The following IKZF2 variants were observed in gnomAD, a reference collection of about 807,000 sequenced individuals.
IKZF2 encodes the protein zinc finger protein Helios.
IKZF2 carries 15 observed loss-of-function variants against 49.2 expected under a neutral mutation model. The ratio of observed to expected loss-of-function variants is 0.30; its 90% CI spans 0.20 to 0.47. The LOEUF (loss-of-function observed/expected upper bound fraction) is 0.47. Ranked by LOEUF, IKZF2 falls within the 20% of genes least tolerant of loss-of-function variation. IKZF2 has a pLI of 1.00. For synonymous variants in IKZF2, 227 were observed against 221.4 expected (o/e 1.03, Z -0.23); for missense variants, 567 against 664.6 (o/e 0.85, Z 1.61).
intron 4 of IKZF2, among the ~76,000 whole-genome samples, chr2:213,113,840 A>G (rs2059790249): frequency 6.6e-6 from 1 of 152,164 alleles, no homozygotes; most frequent in African/African-American, 2.4e-5. Context: ...GCATCTATTG[A>G]GCAAGGAGGG....
At chr2:213,114,519 A>C (rs2059808490) in intron 4 of IKZF2, among the ~76,000 whole-genome samples, 1 of 152,222 alleles carries the variant, frequency 6.6e-6, no homozygotes, top group Admixed American at 6.5e-5. Context: ...AAAGTGTATG[A>C]AAATGAATGT....
At chr2:213,131,625 G>T (rs2060475966) in intron 4 of IKZF2, among the ~76,000 whole-genome samples, 1 of 152,186 alleles carries the variant, frequency 6.6e-6, no homozygotes, top group African/African-American at 2.4e-5. Context: ...AGCTTTTGAA[G>T]TCATGTACTT....
chr2:213,081,433 C>T lies in IKZF2; in HGVS notation c.140-24334G>A, dbSNP rs1458742109. Among the ~76,000 whole-genome samples the T allele has an allele frequency of 3.3e-5, 5 of 152,128 alleles. No homozygotes were observed. The East Asian group carries it at 9.7e-4, about 29-fold the overall frequency. On this transcript the variant is annotated intron_variant, in intron 4 of 8. Coordinates refer to ENST00000434687, the MANE Select transcript of IKZF2 (RefSeq NM_001387220.1). ...TAAACATTTATTGAACTACAATGAG[C>T]TCAAAGTCCAATATAGACAGAAAGT...
chr2:213,028,699 T>G (rs1238561119), intron 6 of IKZF2, among the ~76,000 whole-genome samples: 1 of 152,138 alleles, frequency 6.6e-6, no homozygotes, highest in Non-Finnish European at 1.5e-5. Context: ...TACATTTGAT[T>G]TAATCTCAGT....
At chr2:213,151,766 A>T (rs1285780290), upstream of IKZF2, among the ~76,000 whole-genome samples, 1 of 145,518 alleles carries the variant, frequency 6.9e-6, no homozygotes, top group Non-Finnish European at 1.5e-5. Flanking sequence ...CGGGCAGCGG[A>T]GCCCCGGGCG....
At chr2:213,122,582 G>A (rs111337322) in intron 4 of IKZF2, among the ~76,000 whole-genome samples, 2,237 of 152,250 alleles carry the variant, frequency 0.015, 52 homozygotes, top group African/African-American at 0.051. Flanking sequence ...ATTTCATAAT[G>A]TCTCTTGCCA....
At chr2:213,078,245 G>C in intron 4 of IKZF2, among the ~76,000 whole-genome samples, 1 of 152,154 alleles carries the variant, frequency 6.6e-6, no homozygotes, top group East Asian at 1.9e-4. Flanking sequence ...TTTATCTTCT[G>C]TTGAAAATGT....
intron 6 of IKZF2, among the ~76,000 whole-genome samples, chr2:213,025,603 T>C (rs549767570): frequency 6.6e-6 from 1 of 152,280 alleles, no homozygotes; most frequent in East Asian, 1.9e-4. Flanking sequence ...TATCGAGTTA[T>C]TAAACACAGG....
At chr2:213,013,650 A>G (rs1696229871) in intron 8 of IKZF2, 141 bp downstream of exon 8, 7 of 702,548 alleles carry the variant, frequency 1.0e-5, no homozygotes, top group Non-Finnish European at 4.6e-6. Flanking sequence ...AATGTCAGAG[A>G]GTAAAAAAGA....
chr2:213,078,652 A>G (rs1031926093), intron 4 of IKZF2, among the ~76,000 whole-genome samples: 5 of 152,322 alleles, frequency 3.3e-5, no homozygotes, highest in African/African-American at 1.2e-4. Context: ...GTGTTTCTTC[A>G]TCCCTTTGAA....
Position 213,005,191 on chromosome 2 carries a change from T to TGGCGGG in IKZF2, c.*2168_*2169insCCCGCC, listed in dbSNP as rs774979216. 2 of 76,806 alleles carry TGGCGGG rather than the reference T, an allele frequency of 2.6e-5. No homozygotes were observed. Among genetic ancestry groups the TGGCGGG allele is most frequent in the East Asian group, 9.9e-4 (2 of 2,026 alleles). The allele number at this position is 76,806 out of a possible 1,614,324, so 4.8% of individuals were successfully genotyped here. A position where few individuals can be genotyped will look rare whatever the true frequency, so the allele number is the denominator to read the frequency against. On this transcript the variant is annotated 3_prime_UTR_variant, in exon 9 of 9. Transcript: ENST00000434687. Reference sequence around the variant, plus strand: ...CAATTATTATTTGGGAGTGGTTGGGTGGGGGGGGGTGAGCGAGTCTCAAAA... The same window carrying TGGCGGG: ...CAATTATTATTTGGGAGTGGTTGGGTGGCGGGGGGGGGGGGTGAGCGAGTCTCAAAA...
intron 4 of IKZF2, among the ~76,000 whole-genome samples, chr2:213,094,629 T>A (rs944885434): frequency 3.9e-5 from 6 of 152,042 alleles, no homozygotes; most frequent in Non-Finnish European, 8.8e-5. Flanking sequence ...ACAAAGCTCT[T>A]GGGATGAAGG....
At chr2:213,062,524 G>A (rs1024712626) in intron 4 of IKZF2, among the ~76,000 whole-genome samples, 114 of 151,694 alleles carry the variant, frequency 7.5e-4, no homozygotes, top group African/African-American at 2.2e-3. Flanking sequence ...AATATTATGG[G>A]AATTAAATAT....
chr2:213,024,069 C>T (rs760318740), intron 6 of IKZF2, among the ~76,000 whole-genome samples: 55 of 152,140 alleles, frequency 3.6e-4, no homozygotes, highest in Non-Finnish European at 7.2e-4. Context: ...ACTATCCCAT[C>T]TGCTTTATTT....
rs540434150 is a variant in IKZF2 at position 213,045,087 on chromosome 2, G to A, written c.574+4626C>T. Among the ~76,000 whole-genome samples the A allele has an allele frequency of 1.4e-3, 218 of 152,278 alleles. 1 individual carries two copies. Among genetic ancestry groups the A allele is most frequent in the Non-Finnish European group, 2.3e-3 (158 of 68,008 alleles). On this transcript the variant is annotated intron_variant, in intron 6 of 8. Coordinates refer to ENST00000434687, the MANE Select transcript of IKZF2 (RefSeq NM_001387220.1). ...GCTAGTGGCTACCATATTGGACAGC[G>A]TAGCCCTACAACTATCACCTCTCCC...
At position 213,013,905 on chromosome 2, in the gene IKZF2, C is replaced by G. The variant is rs145902163; in HGVS notation, c.742G>C (p.Glu248Gln). The change falls in exon 8 of 9, where the codon GAG becomes CAG. Residue 248 changes from glutamate (E) to glutamine (Q), a missense_variant. Physicochemically the swap from Glu to Gln is conservative, Grantham distance 29 (BLOSUM62 2). Coordinates refer to ENST00000434687, the MANE Select transcript of IKZF2 (RefSeq NM_001387220.1). ...VPPMEDCKEQ[E>Q]PIMDNNISLV... ...GAAATATTGTTGTCCATAATAGGCT[C>G]TTGTTCCTTACAATCTTCCATAGGA... 8.9e-5 allele frequency: 144 copies of G among 1,611,548 alleles called. No homozygotes were observed. The highest frequency in any genetic ancestry group is 1.2e-4 in the Non-Finnish European group (142 of 1,178,220).
chr2:213,007,632 T>C lies in IKZF2; in HGVS notation c.1309A>G (p.Met437Val), dbSNP rs139633982. The C allele has an allele frequency of 4.3e-6, 7 of 1,613,630 alleles. No homozygotes were observed. Among genetic ancestry groups the C allele is most frequent in the South Asian group, 1.1e-5 (1 of 91,082 alleles). ...NPKRKQSPAYMKEDVKALDTT... is the reference protein window; with the variant it reads ...NPKRKQSPAYVKEDVKALDTT... ...TCCAAAGCTTTGACATCCTCCTTCA[T>C]GTAAGCTGGGCTTTGTTTCCTCTTG... Residue 437 changes from methionine (M) to valine (V), a missense_variant, in exon 9 of 9, where the codon ATG becomes GTG. Met to Val is a conservative substitution (Grantham distance 21). This residue lies in a region of IKZF2 where 310 missense variants were observed against 326.9 expected (regional missense o/e 0.95). Coordinates refer to ENST00000434687, the MANE Select transcript of IKZF2 (RefSeq NM_001387220.1).
In IKZF2 at chr2:213,007,790, A is replaced by G. The variant is rs762103534; in HGVS notation, c.1151T>C (p.Ile384Thr). 1.8e-5 allele frequency: 29 copies of G among 1,613,572 alleles called. No homozygotes were observed. Among genetic ancestry groups the G allele is most frequent in the Admixed American group, 3.3e-5 (2 of 59,918 alleles). Residue 384 changes from isoleucine (I) to threonine (T), a missense_variant, in exon 9 of 9, where the codon ATC (isoleucine) becomes ACC (threonine). Transcript: ENST00000434687. ...TCGACTCTTTGGTCTGATGAGAGAGATGGGGCCATCCATGTTGTTTTCATG... is the reference window on the plus strand; with the variant it reads ...TCGACTCTTTGGTCTGATGAGAGAGGTGGGGCCATCCATGTTGTTTTCATG... ...DSHENNMDGP[I>T]SLIRPKSRPQ... is the part of the protein sequence containing the mutation.
chr2:213,031,132 A>T (rs1698385683), intron 6 of IKZF2, among the ~76,000 whole-genome samples: 1 of 152,182 alleles, frequency 6.6e-6, no homozygotes, highest in African/African-American at 2.4e-5. Flanking sequence ...GGCTGTGTTA[A>T]TACTGTTTAC....
Sources: allele counts gnomAD v4.1 joint callset (sites outside exome capture counted in the v4.1 genomes callset), GRCh38; gene constraint gnomAD v4.1.1; regional missense constraint gnomAD v4.1.1; transcripts MANE v1.5; gene names NCBI Gene and HGNC (gene_info 2026-07-23, HGNC 2026-07-21).